CASTOR2: variants seen among roughly 807,000 people sequenced by gnomAD.
CASTOR2 encodes the protein GATS protein like 2.
CASTOR2 carries 8 observed loss-of-function variants against 31.2 expected under a neutral mutation model. That is an observed-to-expected ratio of 0.26 (90% CI 0.15 to 0.46). The LOEUF (loss-of-function observed/expected upper bound fraction) is 0.46, where lower values mean the gene tolerates loss of function less well. Among genes scored for constraint, CASTOR2 ranks in the 20% least tolerant of loss-of-function variants. The pLI is 0.99. For synonymous variants in CASTOR2, 162 were observed against 158.7 expected (o/e 1.02, Z -0.16); for missense variants, 216 against 382.1 (o/e 0.57, Z 3.62).
chr7:74,990,753 G>T (rs1464400068), intron 1 of CASTOR2, among the ~76,000 whole-genome samples: 1 of 152,208 alleles, frequency 6.6e-6, no homozygotes, highest in African/African-American at 2.4e-5. Flanking sequence ...TACTCGGGAG[G>T]CTGAGGCAGG....
chr7:74,993,888 A>G (rs1804274481), intron 1 of CASTOR2, among the ~76,000 whole-genome samples: 1 of 151,376 alleles, frequency 6.6e-6, no homozygotes, highest in Non-Finnish European at 1.5e-5. Flanking sequence ...AGGTTTTGCC[A>G]GGCAAGTTTA....
rs1407170728 is a variant in CASTOR2, at chr7:74,988,589, A to AC, written c.114-19402dup. ...TGGGATTACAGGCGTGAGCCACCGCACCCGGCCCACGCTCCTTTTTTTTGG... is the reference window on the plus strand; with the variant it reads ...TGGGATTACAGGCGTGAGCCACCGCACCCCGGCCCACGCTCCTTTTTTTTGG... On this transcript the variant is annotated intron_variant, in intron 1 of 8. Transcript: ENST00000616305. Among the ~76,000 whole-genome samples, 49 of 151,814 alleles carry AC rather than the reference A, an allele frequency of 3.2e-4. No individual in the cohort carries two copies. The Middle Eastern group carries it at 0.014, about 42-fold the overall frequency.
chr7:74,983,584 G>A (rs377440350), intron 1 of CASTOR2, among the ~76,000 whole-genome samples: 1 of 151,400 alleles, frequency 6.6e-6, no homozygotes, highest in East Asian at 1.9e-4. Context: ...CAGAGTGTGG[G>A]GTTGGCTGTG....
chr7:75,022,035 C>G, intron 7 of CASTOR2, 79 bp downstream of exon 7: 1 of 1,509,154 alleles, frequency 6.6e-7, no homozygotes, highest in Non-Finnish European at 9.0e-7. Flanking sequence ...TCCGCAGTGA[C>G]TCGGCCCCTG....
chr7:74,996,390 C>T (rs1413829778), intron 1 of CASTOR2, among the ~76,000 whole-genome samples: 6 of 152,090 alleles, frequency 3.9e-5, no homozygotes, highest in Non-Finnish European at 1.5e-5. Context: ...CATGCCCCAG[C>T]GTGTCCCCAA....
rs1337851091 is a variant in CASTOR2, at chr7:75,028,940, G to T, written c.*4241G>T. 2.6e-5 allele frequency among the ~76,000 whole-genome samples: 4 copies of T among 152,240 alleles called. No individual in the cohort carries two copies. The highest frequency in any genetic ancestry group is 9.6e-5 in the African/African-American group (4 of 41,456). On this transcript the variant is annotated 3_prime_UTR_variant, in exon 9 of 9. Coordinates refer to ENST00000616305, the MANE Select transcript of CASTOR2 (RefSeq NM_001145064.3). ...TCCTCTCACCTCCAGGCACCAGGCTGCTGGTGGGAAAGGAAGGAGCTGGGG... is the reference window on the plus strand; with the variant it reads ...TCCTCTCACCTCCAGGCACCAGGCTTCTGGTGGGAAAGGAAGGAGCTGGGG...
Position 75,026,083 on chromosome 7 carries a change from GTGGTCAT to G in CASTOR2, c.*1385_*1391del, listed in dbSNP as rs1805120770. On this transcript the variant is annotated 3_prime_UTR_variant, in exon 9 of 9. Transcript: ENST00000616305. ...GACAGCCAGGTGGCAGGCCAGCTGAGTGGTCATGTCCAGGAGGCATGGGGTTAGCCGT... is the reference window on the plus strand; with the variant it reads ...GACAGCCAGGTGGCAGGCCAGCTGAGGTCCAGGAGGCATGGGGTTAGCCGT... Among the ~76,000 whole-genome samples the G allele has an allele frequency of 1.3e-5, 2 of 152,134 alleles. No individual in the cohort carries two copies. The highest frequency in any genetic ancestry group is 2.9e-5 in the Non-Finnish European group (2 of 68,018).
Position 75,024,877 on chromosome 7 carries a change from C to A in CASTOR2, c.*178C>A, listed in dbSNP as rs1455159795. On this transcript the variant is annotated 3_prime_UTR_variant, in exon 9 of 9. Transcript: ENST00000616305. ...AGGGCAGGGGCCCACGCCAAGGCCTCTCCATGCCCTCCTGCCTTCCCGGAG... is the reference window on the plus strand; with the variant it reads ...AGGGCAGGGGCCCACGCCAAGGCCTATCCATGCCCTCCTGCCTTCCCGGAG... 6.9e-7 allele frequency: 1 copy of A among 1,449,590 alleles called. No homozygotes were observed. The highest frequency in any genetic ancestry group is 1.4e-5 in the African/African-American group (1 of 70,840). 89.8% of individuals were successfully genotyped at this position (1,449,590 alleles called of 1,614,324 possible).
In CASTOR2 at chr7:75,029,506, G is replaced by A. The variant is rs1805240037; in HGVS notation, c.*4807G>A. Among the ~76,000 whole-genome samples, 7 of 152,006 alleles carry A rather than the reference G, an allele frequency of 4.6e-5. No individual in the cohort carries two copies. In the South Asian group the frequency reaches 1.5e-3, roughly 32 times the overall value. ...TTACAGGCACCCACCACCACGCTCG[G>A]CTAATTTTTGTATTTTTAGTAGAGA... is the stretch of plus-strand genomic sequence containing the variant. On this transcript the variant is annotated 3_prime_UTR_variant, in exon 9 of 9. Transcript: ENST00000616305.
chr7:74,986,496 A>G (rs1297012716), intron 1 of CASTOR2, among the ~76,000 whole-genome samples: 4 of 151,678 alleles, frequency 2.6e-5, no homozygotes, highest in African/African-American at 4.8e-5. Context: ...TCTCAAAAAA[A>G]AAAAAAAAGA....
chr7:75,013,888 C>T (rs1437231414), intron 2 of CASTOR2, among the ~76,000 whole-genome samples: 3 of 151,980 alleles, frequency 2.0e-5, no homozygotes, highest in African/African-American at 4.8e-5. Context: ...CCACCACACC[C>T]GGCTACTTTT....
intron 6 of CASTOR2, among the ~76,000 whole-genome samples, chr7:75,020,723 T>C (rs1276840216): frequency 1.3e-5 from 2 of 152,088 alleles, no homozygotes; most frequent in African/African-American, 4.8e-5. Flanking sequence ...TCTCCTGACC[T>C]TGTGATCTGC....
rs924506731 is a variant in CASTOR2 at position 75,028,410 on chromosome 7, C to T, written c.*3711C>T. Among the ~76,000 whole-genome samples the T allele has an allele frequency of 2.3e-4, 35 of 152,212 alleles. 1 individual carries two copies. Among genetic ancestry groups the T allele is most frequent in the Admixed American group, 2.2e-3 (34 of 15,288 alleles). Reference sequence around the variant, plus strand: ...TGCTGGGATTACAGGCATGAGCCACCGTGCCCGGCCTCATGGAATTTCTAG... The same window carrying T: ...TGCTGGGATTACAGGCATGAGCCACTGTGCCCGGCCTCATGGAATTTCTAG... On this transcript the variant is annotated 3_prime_UTR_variant, in exon 9 of 9. Transcript: ENST00000616305.
chr7:74,984,593 G>A (rs1390190026), intron 1 of CASTOR2, among the ~76,000 whole-genome samples: 7 of 152,116 alleles, frequency 4.6e-5, no homozygotes, highest in African/African-American at 1.4e-4. Flanking sequence ...AGGGACCCAG[G>A]AGCCAACACC....
chr7:75,016,480 G>GAGTT (rs1804866089), intron 2 of CASTOR2, among the ~76,000 whole-genome samples: 1 of 152,166 alleles, frequency 6.6e-6, no homozygotes, highest in East Asian at 1.9e-4. Context: ...CCTCTTCAGG[G>GAGTT]GCCCTCCTGG....
intron 1 of CASTOR2, among the ~76,000 whole-genome samples, chr7:74,985,377 C>T (rs1334124152): frequency 6.6e-6 from 1 of 151,662 alleles, no homozygotes; most frequent in Non-Finnish European, 1.5e-5. Context: ...CTTAGAAGCT[C>T]GAGACCAGCC....
rs1302406617 is a variant in CASTOR2, at chr7:75,029,744, T to C, written c.*5045T>C. Among the ~76,000 whole-genome samples, 1 of 152,084 alleles carries C rather than the reference T, an allele frequency of 6.6e-6. No homozygotes were observed. The highest frequency in any genetic ancestry group is 1.5e-5 in the Non-Finnish European group (1 of 68,014). ...TCCGCTCCGAGCAGGGCCTGGAGCATTGGAGACATTGGTTAGTGTAATAGG... is the reference window on the plus strand; with the variant it reads ...TCCGCTCCGAGCAGGGCCTGGAGCACTGGAGACATTGGTTAGTGTAATAGG... On this transcript the variant is annotated 3_prime_UTR_variant, in exon 9 of 9. Transcript: ENST00000616305.
At position 75,025,267 on chromosome 7, in the gene CASTOR2, G is replaced by A. The variant is rs1805095780; in HGVS notation, c.*568G>A. 6.6e-6 allele frequency among the ~76,000 whole-genome samples: 1 copy of A among 152,322 alleles called. No individual in the cohort carries two copies. Reference sequence around the variant, plus strand: ...TGGTGAGGCTCAGACAGGAACCCAGGTGGGATCCCCGAGCTGGGAAGGACC... The same window carrying A: ...TGGTGAGGCTCAGACAGGAACCCAGATGGGATCCCCGAGCTGGGAAGGACC... On this transcript the variant is annotated 3_prime_UTR_variant, in exon 9 of 9. Transcript: ENST00000616305.
chr7:74,994,693 T>C (rs1584466501), intron 1 of CASTOR2, among the ~76,000 whole-genome samples: 1 of 150,996 alleles, frequency 6.6e-6, no homozygotes, highest in South Asian at 2.1e-4. Flanking sequence ...GAGGTTGCGG[T>C]GAGCCGAGAT....
Sources: gnomAD v4.1 joint callset for allele counts (sites outside exome capture counted in the v4.1 genomes callset) on GRCh38, gnomAD v4.1.1 for gene constraint, MANE v1.5 for transcripts, NCBI Gene and HGNC (gene_info 2026-07-23, HGNC 2026-07-21) for gene names.